Variants in FBLN2 observed in about 807,000 individuals in gnomAD.
FBLN2 encodes fibulin-2.
Under a neutral mutation model 123.7 loss-of-function variants are expected in FBLN2, and 81 were observed. The ratio of observed to expected loss-of-function variants is 0.65; its 90% CI spans 0.55 to 0.79. The LOEUF (loss-of-function observed/expected upper bound fraction) is 0.79. Among genes scored for constraint, FBLN2 ranks in the 30% least tolerant of loss-of-function variants. The pLI, the probability that FBLN2 is intolerant of heterozygous loss-of-function variation, is 0.00. For synonymous variants in FBLN2, 699 were observed against 701.4 expected, an observed-to-expected ratio of 1.00 and a Z score of 0.05; for missense variants, 1,603 against 1,681.3, an observed-to-expected ratio of 0.95 and a Z score of 0.81.
At chr3:13,586,070 GC>G (rs1292591743) in intron 2 of FBLN2, among the ~76,000 whole-genome samples, 1 of 152,210 alleles carries the variant, frequency 6.6e-6, no homozygotes, top group African/African-American at 2.4e-5. Context: ...GCATGTTACT[GC>G]CCCTTAAGAC....
intron 2 of FBLN2, among the ~76,000 whole-genome samples, chr3:13,594,129 C>T (rs952152849): frequency 6.6e-6 from 1 of 152,166 alleles, no homozygotes; most frequent in African/African-American, 2.4e-5. Flanking sequence ...GCCCAGGAGT[C>T]AAGCATTTTT....
chr3:13,625,789 A>G (rs1203300170), intron 9 of FBLN2, among the ~76,000 whole-genome samples: 13 of 151,316 alleles, frequency 8.6e-5, no homozygotes, highest in Admixed American at 8.5e-4. Context: ...CTTGCTCCAA[A>G]TAAATAAGAC....
At chr3:13,619,372 TCTC>T (rs150641382) in intron 7 of FBLN2, among the ~76,000 whole-genome samples, 4,910 of 152,212 alleles carry the variant, frequency 0.032, 268 homozygotes, top group African/African-American at 0.11. Context: ...TTGTTGTTCT[TCTC>T]CTCATTCCCT....
intron 9 of FBLN2, among the ~76,000 whole-genome samples, chr3:13,624,918 G>A (rs1378177541): frequency 6.6e-6 from 1 of 152,278 alleles, no homozygotes; most frequent in African/African-American, 2.4e-5. Context: ...CCTTGGGGCG[G>A]TTTCTGAGTT....
intron 2 of FBLN2, among the ~76,000 whole-genome samples, chr3:13,602,254 G>A (rs374271882): frequency 3.9e-5 from 6 of 152,084 alleles, no homozygotes; most frequent in Admixed American, 1.3e-4. Flanking sequence ...TTCAATTCCC[G>A]TATGCACATA....
At chr3:13,628,844 G>A (rs1287332553) in intron 11 of FBLN2, 61 bp from the exon 12 acceptor site, 3 of 1,578,790 alleles carry the variant, frequency 1.9e-6, no homozygotes, top group African/African-American at 2.7e-5. Flanking sequence ...GGCCCTGGGA[G>A]GGGCTGGGGC....
At position 13,585,429 on chromosome 3, in the gene FBLN2, A is replaced by G. The variant is rs144060289; in HGVS notation, c.1306+13768A>G. ...ATCAATCAGTGCCTGGTCAAGTTCT[A>G]GGAAGGCGGGCCTGGTGGTACAGTC... is the stretch of plus-strand genomic sequence containing the variant. On this transcript the variant is annotated intron_variant, in intron 2 of 17. Coordinates refer to ENST00000404922, the MANE Select transcript of FBLN2 (RefSeq NM_001004019.2). Among the ~76,000 whole-genome samples, 971 of 152,298 alleles carry G rather than the reference A, an allele frequency of 6.4e-3. 13 individuals are homozygous for G. The highest frequency in any genetic ancestry group is 0.022 in the African/African-American group (929 of 41,570).
intron 16 of FBLN2, among the ~76,000 whole-genome samples, chr3:13,633,954 AACACACACAC>A (rs56947028): frequency 3.0e-4 from 34 of 112,900 alleles, no homozygotes; most frequent in African/African-American, 1.1e-3. Flanking sequence ...ACACACTGCA[AACACACACAC>A]ACACACACAC....
At position 13,638,083 on chromosome 3, in the gene FBLN2, A is replaced by C; in HGVS notation, c.*164A>C. The C allele has an allele frequency of 1.4e-6, 1 of 715,590 alleles. No individual in the cohort carries two copies. Among genetic ancestry groups the C allele is most frequent in the Admixed American group, 2.9e-5 (1 of 34,406 alleles). The allele number at this position is 715,590 out of a possible 1,614,324, so 44.3% of individuals were successfully genotyped here. On this transcript the variant is annotated 3_prime_UTR_variant, in exon 18 of 18. Transcript: ENST00000404922. ...GACCCCTCCTCTGCCCCGCAGGAGG[A>C]AGTTCCACGGCAGGTGGTGCGTTCC... is the stretch of plus-strand genomic sequence containing the variant.
intron 2 of FBLN2, among the ~76,000 whole-genome samples, chr3:13,606,346 T>G (rs1415202994): frequency 6.6e-6 from 1 of 152,162 alleles, no homozygotes; most frequent in Non-Finnish European, 1.5e-5. Flanking sequence ...GTACATGGAG[T>G]TCTTTGTTAT....
At chr3:13,586,124 G>T (rs527988768) in intron 2 of FBLN2, among the ~76,000 whole-genome samples, 1 of 152,272 alleles carries the variant, frequency 6.6e-6, no homozygotes, top group African/African-American at 2.4e-5. Flanking sequence ...CGGTAATATT[G>T]ATGATCCTGA....
chr3:13,572,018 G>A (rs534897179), intron 2 of FBLN2, among the ~76,000 whole-genome samples: 1 of 152,352 alleles, frequency 6.6e-6, no homozygotes, highest in Admixed American at 6.5e-5. Context: ...GTCCTGGCAG[G>A]AAATGCGAAG....
intron 9 of FBLN2, 127 bp downstream of exon 9, chr3:13,622,042 A>G: frequency 8.8e-7 from 1 of 1,132,826 alleles, no homozygotes; most frequent in East Asian, 2.6e-5. Flanking sequence ...CACAGCCGGC[A>G]TCTCCGTGCT....
At chr3:13,627,046 G>A (rs1171782927) in intron 10 of FBLN2, among the ~76,000 whole-genome samples, 1 of 152,104 alleles carries the variant, frequency 6.6e-6, no homozygotes, top group Non-Finnish European at 1.5e-5. Context: ...GATCCAGGGT[G>A]GGGTGCTGTG....
chr3:13,609,135 G>T (rs1705303079), intron 3 of FBLN2, among the ~76,000 whole-genome samples: 1 of 152,234 alleles, frequency 6.6e-6, no homozygotes, highest in Non-Finnish European at 1.5e-5. Context: ...GCCCCAGGCA[G>T]CCCAACAGTG....
chr3:13,630,836 G>A, intron 15 of FBLN2, 21 bp downstream of exon 15: 6 of 1,551,716 alleles, frequency 3.9e-6, no homozygotes, highest in Non-Finnish European at 5.3e-6. Flanking sequence ...CCTGTCCAAG[G>A]GCCCCCTTCC....
At chr3:13,572,366 C>G (rs139060161) in intron 2 of FBLN2, among the ~76,000 whole-genome samples, 1 of 152,222 alleles carries the variant, frequency 6.6e-6, no homozygotes, top group Non-Finnish European at 1.5e-5. Flanking sequence ...CCAGCAGCAC[C>G]GAGTGCTTAC....
chr3:13,632,416 T>G (rs1441068678), intron 16 of FBLN2, among the ~76,000 whole-genome samples: 1 of 152,210 alleles, frequency 6.6e-6, no homozygotes, highest in East Asian at 1.9e-4. Context: ...CTTGGGCATT[T>G]TCTTGGCCCG....
chr3:13,571,694 TTGTG>T (rs1288419274), intron 2 of FBLN2, 33 bp downstream of exon 2: 25 of 1,504,358 alleles, frequency 1.7e-5, no homozygotes, highest in African/African-American at 1.3e-4. Context: ...TCAGGGCACT[TTGTG>T]TGGGAAGGGC....
Sources: allele counts gnomAD v4.1 joint callset (sites outside exome capture counted in the v4.1 genomes callset), GRCh38; gene constraint gnomAD v4.1.1; transcripts MANE v1.5; gene names NCBI Gene and HGNC (gene_info 2026-07-23, HGNC 2026-07-21).